Variants in LEF1 observed in about 807,000 individuals in gnomAD.
LEF1 encodes lymphoid enhancer-binding factor 1.
In LEF1, 14 loss-of-function variants were observed where a neutral mutation model predicts 51.2. The ratio of observed to expected loss-of-function variants is 0.27; its 90% CI spans 0.18 to 0.43. The LOEUF is 0.43. LEF1 is among the 20% of genes least tolerant of loss of function. LEF1 has a pLI of 1.00. For synonymous variants in LEF1, 185 were observed against 183.2 expected (o/e 1.01, Z -0.08); for missense variants, 386 against 512.0 (o/e 0.75, Z 2.37).
chr4:108,148,317 C>A lies in LEF1; in HGVS notation c.414+15251G>T, dbSNP rs116745047. ...TATCAAGCAACTTTCCTGGCCCAGC[C>A]CAGAGGTGTCTACACAACCCTTTTT... On this transcript the variant is annotated intron_variant, in intron 3 of 11. Transcript: ENST00000265165. Among the ~76,000 whole-genome samples the A allele has an allele frequency of 3.8e-3, 573 of 151,988 alleles. 5 individuals are homozygous for A. Among genetic ancestry groups the A allele is most frequent in the African/African-American group, 0.012 (512 of 41,488 alleles).
At position 108,167,351 on chromosome 4, in the gene LEF1, TACACACAC is replaced by T. The variant is rs35000095; in HGVS notation, c.213+196_213+203del. Among the ~76,000 whole-genome samples the T allele has an allele frequency of 0.014, 1,897 of 131,752 alleles. 17 individuals are homozygous for T. The highest frequency in any genetic ancestry group is 0.022 in the South Asian group (79 of 3,528). The allele number at this position is 131,752 out of a possible 152,430, so 86.4% of individuals were successfully genotyped here. On this transcript the variant is annotated intron_variant, in intron 1 of 11. Coordinates refer to ENST00000265165, the MANE Select transcript of LEF1 (RefSeq NM_016269.5). The surrounding 1 kb of genome is among the most constrained non-coding windows in gnomAD (Gnocchi z 5.7). ...TACCCTGCCCCTCTACCTCCCATCC[TACACACAC>T]ACACACACACACACACACACACACA...
At chr4:108,156,015 G>GA (rs958190488) in intron 3 of LEF1, among the ~76,000 whole-genome samples, 13 of 151,926 alleles carry the variant, frequency 8.6e-5, no homozygotes, top group Admixed American at 7.9e-4. Context: ...TCGTGATACT[G>GA]AAAAAAAAGT....
At chr4:108,058,274 T>C (rs1737437974) in intron 11 of LEF1, among the ~76,000 whole-genome samples, 1 of 152,224 alleles carries the variant, frequency 6.6e-6, no homozygotes, top group Non-Finnish European at 1.5e-5. Context: ...TTTCAATCTA[T>C]ATAATTTAAA....
chr4:108,124,917 C>T (rs1742426477), intron 3 of LEF1, among the ~76,000 whole-genome samples: 1 of 152,130 alleles, frequency 6.6e-6, no homozygotes. Flanking sequence ...TTGGATGGGG[C>T]ATAGCTGTTA....
At chr4:108,142,137 GT>G (rs1417239041) in intron 3 of LEF1, among the ~76,000 whole-genome samples, 1 of 152,178 alleles carries the variant, frequency 6.6e-6, no homozygotes, top group East Asian at 1.9e-4. Context: ...CATGTATTTG[GT>G]CTGAAGACTT....
chr4:108,074,403 A>C (rs1469794833), intron 8 of LEF1, among the ~76,000 whole-genome samples: 1 of 152,240 alleles, frequency 6.6e-6, no homozygotes, highest in Non-Finnish European at 1.5e-5. Flanking sequence ...ATAGCCAGGA[A>C]GGTCTGAAGA....
chr4:108,125,833 G>A (rs17038620), intron 3 of LEF1, among the ~76,000 whole-genome samples: 3,822 of 152,070 alleles, frequency 0.025, 150 homozygotes, highest in African/African-American at 0.087. Flanking sequence ...CATGTATAAG[G>A]TAATCCTAGG....
At chr4:108,123,426 G>A (rs1275691387) in intron 3 of LEF1, among the ~76,000 whole-genome samples, 4 of 138,396 alleles carry the variant, frequency 2.9e-5, no homozygotes, top group African/African-American at 1.1e-4. Context: ...CTTTCTGCTA[G>A]GGTTGGTTTT....
chr4:108,153,918 CA>C (rs1291707568), intron 3 of LEF1, among the ~76,000 whole-genome samples: 1 of 152,092 alleles, frequency 6.6e-6, no homozygotes, highest in African/African-American at 2.4e-5. Flanking sequence ...TTCCTATTGC[CA>C]TGAATATATA....
At chr4:108,136,761 C>T (rs937532865) in intron 3 of LEF1, among the ~76,000 whole-genome samples, 4 of 152,064 alleles carry the variant, frequency 2.6e-5, no homozygotes, top group African/African-American at 9.7e-5. Context: ...TGATTATTTA[C>T]CCTACTGTGC....
Position 108,048,492 on chromosome 4 carries a change from A to G in LEF1, c.*266T>C, listed in dbSNP as rs1166302982. 2.4e-6 allele frequency: 1 copy of G among 424,088 alleles called. No individual in the cohort carries two copies. The highest frequency in any genetic ancestry group is 2.0e-5 in the African/African-American group (1 of 49,630). 26.3% of individuals were successfully genotyped at this position (424,088 alleles called of 1,614,324 possible). ...TGCTAGCATTCTCATGTGCTTTTAC[A>G]TTTCCTTTTAAAAAACCTTTTTATG... On this transcript the variant is annotated 3_prime_UTR_variant, in exon 12 of 12. Transcript: ENST00000265165.
At chr4:108,084,292 T>C (rs1257911445) in intron 4 of LEF1, among the ~76,000 whole-genome samples, 2 of 152,138 alleles carry the variant, frequency 1.3e-5, no homozygotes, top group African/African-American at 4.8e-5. Flanking sequence ...TGATTCAGAA[T>C]AGAAAAAAAG....
intron 3 of LEF1, among the ~76,000 whole-genome samples, chr4:108,160,818 T>G (rs1261033298): frequency 6.6e-6 from 1 of 152,212 alleles, no homozygotes; most frequent in Non-Finnish European, 1.5e-5. Flanking sequence ...GCATGCCAGT[T>G]GGCCATAGCT....
chr4:108,166,395 G>GA (rs953524082), intron 1 of LEF1: 18 of 1,443,652 alleles, frequency 1.2e-5, no homozygotes, highest in South Asian at 7.2e-5. Context: ...GCCATTTAAG[G>GA]AAAAAAAGGT....
intron 3 of LEF1, among the ~76,000 whole-genome samples, chr4:108,110,603 G>A (rs1186264564): frequency 2.6e-5 from 4 of 152,122 alleles, no homozygotes; most frequent in African/African-American, 9.7e-5. Flanking sequence ...CACCACAGCT[G>A]ATCTGTGCCC....
chr4:108,144,915 T>A (rs937431743), intron 3 of LEF1, among the ~76,000 whole-genome samples: 3 of 120,634 alleles, frequency 2.5e-5, no homozygotes, highest in Non-Finnish European at 5.1e-5. Flanking sequence ...GAATACTGCA[T>A]AATCTGCAGG....
chr4:108,091,123 G>GT (rs1739991810), intron 3 of LEF1, among the ~76,000 whole-genome samples: 1 of 152,054 alleles, frequency 6.6e-6, no homozygotes, highest in Non-Finnish European at 1.5e-5. Flanking sequence ...TGTGAAATCA[G>GT]TTTTCTCCTG....
intron 5 of LEF1, 64 bp downstream of exon 5, chr4:108,083,292 A>G (rs1739432717): frequency 1.8e-6 from 2 of 1,112,524 alleles, no homozygotes; most frequent in African/African-American, 1.5e-5. Flanking sequence ...TCTAATTTCC[A>G]TGAATGGAAA....
At chr4:108,072,169 T>A (rs1738517499) in intron 8 of LEF1, 1 of 151,782 alleles carries the variant, frequency 6.6e-6, no homozygotes, top group African/African-American at 2.4e-5. Context: ...TTCATGTTTT[T>A]TAAAATGATT....
Sources: allele counts gnomAD v4.1 joint callset (sites outside exome capture counted in the v4.1 genomes callset), GRCh38; gene constraint gnomAD v4.1.1; non-coding constraint Gnocchi (gnomAD v3.1); transcripts MANE v1.5; gene names NCBI Gene and HGNC (gene_info 2026-07-23, HGNC 2026-07-21).